FNDC3A: variants seen among roughly 807,000 people sequenced by gnomAD.
The protein encoded by FNDC3A is fibronectin type III domain containing 3A, also known as fibronectin type-III domain-containing protein 3A.
FNDC3A carries 32 observed loss-of-function variants against 148.9 expected under a neutral mutation model. The ratio of observed to expected loss-of-function variants is 0.21; its 90% CI spans 0.16 to 0.29. The LOEUF is 0.29. Among genes scored for constraint, FNDC3A ranks in the 10% least tolerant of loss-of-function variants. The pLI is 1.00. For missense variants in FNDC3A, 1,191 were observed against 1,452.8 expected (o/e 0.82, Z 2.93); for synonymous variants, 472 against 473.6 (o/e 1.00, Z 0.04).
chr13:49,184,538 A>T (rs952923118), intron 14 of FNDC3A, among the ~76,000 whole-genome samples: 5 of 152,160 alleles, frequency 3.3e-5, no homozygotes, highest in African/African-American at 1.2e-4. Context: ...TTGTAAGGTC[A>T]ACCGAGAGGA....
intron 14 of FNDC3A, among the ~76,000 whole-genome samples, chr13:49,185,708 A>G (rs1426730307): frequency 6.6e-6 from 1 of 152,182 alleles, no homozygotes; most frequent in Non-Finnish European, 1.5e-5. Context: ...TCTGATTCTT[A>G]TTTAGTATCA....
chr13:49,042,847 A>G (rs1176036591), intron 2 of FNDC3A, among the ~76,000 whole-genome samples: 1 of 152,198 alleles, frequency 6.6e-6, no homozygotes, highest in Admixed American at 6.5e-5. Context: ...TCTGCATCCT[A>G]AGGTCTTACT....
intron 17 of FNDC3A, among the ~76,000 whole-genome samples, chr13:49,190,041 C>T (rs991622915): frequency 6.4e-4 from 97 of 152,214 alleles, no homozygotes; most frequent in African/African-American, 2.0e-3. Context: ...TGCCTGCCAC[C>T]ATGCCCGGCT....
chr13:49,026,366 A>G (rs1293368227), intron 2 of FNDC3A, among the ~76,000 whole-genome samples: 4 of 152,200 alleles, frequency 2.6e-5, no homozygotes, highest in Non-Finnish European at 5.9e-5. Context: ...TCATCAACAA[A>G]TTCTAGTTGA....
At chr13:49,170,272 C>T (rs777392487) in intron 10 of FNDC3A, among the ~76,000 whole-genome samples, 3 of 152,036 alleles carry the variant, frequency 2.0e-5, no homozygotes, top group Admixed American at 6.6e-5. Flanking sequence ...ACATCTAAAT[C>T]GCCCATAGTA....
intron 4 of FNDC3A, among the ~76,000 whole-genome samples, chr13:49,119,021 C>T (rs893602834): frequency 2.0e-5 from 3 of 152,228 alleles, no homozygotes; most frequent in Non-Finnish European, 4.4e-5. Flanking sequence ...GACACATTGC[C>T]TCCTCAAGTG....
At chr13:48,999,474 A>G (rs763047423) in intron 1 of FNDC3A, among the ~76,000 whole-genome samples, 4 of 152,082 alleles carry the variant, frequency 2.6e-5, no homozygotes, top group Non-Finnish European at 5.9e-5. Flanking sequence ...TTGTACCTCT[A>G]CCTTCACCCA....
At chr13:49,107,707 G>T (rs1168686124) in intron 3 of FNDC3A, among the ~76,000 whole-genome samples, 2 of 152,216 alleles carry the variant, frequency 1.3e-5, no homozygotes, top group Non-Finnish European at 2.9e-5. Flanking sequence ...TTGAAGTCAG[G>T]TTGGGGAGGG....
At chr13:49,143,183 T>C (rs1882786741) in intron 7 of FNDC3A, among the ~76,000 whole-genome samples, 1 of 152,042 alleles carries the variant, frequency 6.6e-6, no homozygotes, top group Non-Finnish European at 1.5e-5. Context: ...ATCTTTTTAA[T>C]AGAATGAGTT....
intron 2 of FNDC3A, among the ~76,000 whole-genome samples, chr13:49,050,841 A>G (rs567814539): frequency 6.6e-6 from 1 of 152,260 alleles, no homozygotes; most frequent in African/African-American, 2.4e-5. Flanking sequence ...AGGTGCATAT[A>G]TATTTAGAAT....
chr13:49,038,498 G>A (rs926277949), intron 2 of FNDC3A, among the ~76,000 whole-genome samples: 3 of 152,194 alleles, frequency 2.0e-5, no homozygotes, highest in South Asian at 2.1e-4. Flanking sequence ...ACGTCATGGA[G>A]AAAGACTACG....
chr13:49,050,769 C>T (rs1249288255), intron 2 of FNDC3A, among the ~76,000 whole-genome samples: 1 of 152,056 alleles, frequency 6.6e-6, no homozygotes, highest in Non-Finnish European at 1.5e-5. Flanking sequence ...TACTGTGTTG[C>T]CGTCTATCTC....
intron 3 of FNDC3A, among the ~76,000 whole-genome samples, chr13:49,108,328 C>G (rs947199139): frequency 6.6e-6 from 1 of 152,110 alleles, no homozygotes; most frequent in African/African-American, 2.4e-5. Context: ...GGGTTGTATG[C>G]ACATATGCCG....
intron 4 of FNDC3A, among the ~76,000 whole-genome samples, chr13:49,125,001 T>A (rs570852831): frequency 2.6e-5 from 4 of 152,226 alleles, no homozygotes; most frequent in African/African-American, 9.6e-5. Flanking sequence ...CCTTAACTGT[T>A]TTTTTATAGA....
intron 2 of FNDC3A, among the ~76,000 whole-genome samples, chr13:49,068,065 G>T (rs1049620306): frequency 1.3e-5 from 2 of 152,080 alleles, no homozygotes; most frequent in Non-Finnish European, 2.9e-5. Context: ...GCCAAGCATT[G>T]TGGCTGTCCT....
intron 23 of FNDC3A, among the ~76,000 whole-genome samples, chr13:49,200,408 T>C (rs1052240966): frequency 2.0e-4 from 30 of 152,172 alleles, no homozygotes; most frequent in South Asian, 6.2e-4. Flanking sequence ...TGGCAGAATT[T>C]TATGTAATCT....
At chr13:49,024,825 A>G (rs1370697742) in intron 2 of FNDC3A, among the ~76,000 whole-genome samples, 1 of 152,006 alleles carries the variant, frequency 6.6e-6, no homozygotes, top group Non-Finnish European at 1.5e-5. Context: ...GAACTGAAAA[A>G]TAATTGGTTT....
intron 8 of FNDC3A, among the ~76,000 whole-genome samples, chr13:49,147,114 G>A (rs1593658776): frequency 6.6e-6 from 1 of 152,250 alleles, no homozygotes; most frequent in Admixed American, 6.5e-5. Flanking sequence ...ATTTCCTTGT[G>A]TTCTATTCAT....
intron 8 of FNDC3A, among the ~76,000 whole-genome samples, chr13:49,164,794 A>G (rs1260908705): frequency 6.6e-6 from 1 of 152,146 alleles, no homozygotes. Flanking sequence ...CATTTTTAGT[A>G]GAAATGGAGT....
Sources: gnomAD v4.1 joint callset for allele counts (sites outside exome capture counted in the v4.1 genomes callset) on GRCh38, gnomAD v4.1.1 for gene constraint, MANE v1.5 for transcripts, NCBI Gene and HGNC (gene_info 2026-07-23, HGNC 2026-07-21) for gene names.